NCS1: variants seen among roughly 807,000 people sequenced by gnomAD.
NCS1 encodes the protein neuronal calcium sensor 1.
Under a neutral mutation model 28.4 loss-of-function variants are expected in NCS1, and 6 were observed. The observed-to-expected ratio is 0.21, with a 90% confidence interval of 0.12 to 0.42. The LOEUF (loss-of-function observed/expected upper bound fraction) is 0.42, where lower values mean the gene tolerates loss of function less well. Ranked by LOEUF, NCS1 falls within the 10% of genes least tolerant of loss-of-function variation. NCS1 has a pLI of 1.00. For synonymous variants in NCS1, 86 were observed against 99.3 expected, an observed-to-expected ratio of 0.87 and a Z score of 0.79; for missense variants, 131 against 241.4, an observed-to-expected ratio of 0.54 and a Z score of 3.03.
At chr9:130,194,923 G>T (rs1420708504) in intron 1 of NCS1, among the ~76,000 whole-genome samples, 2 of 152,258 alleles carry the variant, frequency 1.3e-5, no homozygotes, top group Non-Finnish European at 1.5e-5. Context: ...GATGACAAAG[G>T]AGGAATCAGC....
In NCS1 at chr9:130,233,544, G is replaced by C. The variant is rs1833527423; in HGVS notation, c.*572G>C. ...GCAGCAAAACCACCTGCGTGGCTAGGATGATTAATTATGAGGATGATGATT... is the reference window on the plus strand; with the variant it reads ...GCAGCAAAACCACCTGCGTGGCTAGCATGATTAATTATGAGGATGATGATT... On this transcript the variant is annotated 3_prime_UTR_variant, in exon 8 of 8. Transcript: ENST00000372398. This position sits in a 1 kb window ranked among gnomAD's most constrained non-coding sequence, Gnocchi z 4.8. 2.0e-5 allele frequency: 3 copies of C among 152,562 alleles called. No homozygotes were observed. The highest frequency in any genetic ancestry group is 2.0e-4 in the Admixed American group (3 of 15,282). The allele number at this position is 152,562 out of a possible 1,614,324, so 9.5% of individuals were successfully genotyped here.
chr9:130,223,299 T>C (rs575540519), intron 6 of NCS1, 140 bp downstream of exon 6: 2 of 710,732 alleles, frequency 2.8e-6, no homozygotes, highest in East Asian at 2.7e-5. Context: ...GTCCTATCCC[T>C]GCTCAGCAGC....
At chr9:130,222,553 G>A (rs568578792) in intron 4 of NCS1, 97 bp from the exon 5 acceptor site, 29 of 968,372 alleles carry the variant, frequency 3.0e-5, no homozygotes, top group Middle Eastern at 2.3e-4. Context: ...CCATCCGGTC[G>A]CTGACTTCAT....
intron 1 of NCS1, chr9:130,200,360 C>A (rs754575108): frequency 6.9e-6 from 4 of 581,044 alleles, no homozygotes; most frequent in Non-Finnish European, 1.2e-5. Context: ...CAGGCTCAGC[C>A]GCTCTCTGTA....
At position 130,235,286 on chromosome 9, in the gene NCS1, G is replaced by A. The variant is rs1288853040; in HGVS notation, c.*2314G>A. On this transcript the variant is annotated 3_prime_UTR_variant, in exon 8 of 8. Coordinates refer to ENST00000372398, the MANE Select transcript of NCS1 (RefSeq NM_014286.4). ...ACCAACGGCTGAAGTTTCTCAGCTG[G>A]GCTCTGACCTGGGGTCTGGGGCAGG... 6.6e-6 allele frequency: 1 copy of A among 152,406 alleles called. No individual in the cohort carries two copies. The highest frequency in any genetic ancestry group is 1.5e-5 in the Non-Finnish European group (1 of 68,196). 9.4% of individuals were successfully genotyped at this position (152,406 alleles called of 1,614,324 possible). A position where few individuals can be genotyped will look rare whatever the true frequency, so the allele number is the denominator to read the frequency against.
At chr9:130,220,142 C>T (rs1307587416) in intron 4 of NCS1, among the ~76,000 whole-genome samples, 2 of 152,198 alleles carry the variant, frequency 1.3e-5, no homozygotes, top group African/African-American at 4.8e-5. Flanking sequence ...GGAGCCTTGG[C>T]TGCACTCGGG....
At position 130,203,457 on chromosome 9, in the gene NCS1, C is replaced by T. The variant is rs947406630; in HGVS notation, c.89+2475C>T. The stretch of plus-strand genomic sequence containing the variant: ...GAATGAGTGGACAGCAAGGAGTCTT[C>T]GGGGGACCATGAGAAAGCTCAGCAT... On this transcript the variant is annotated intron_variant, in intron 2 of 7. Transcript: ENST00000372398. 4.6e-5 allele frequency among the ~76,000 whole-genome samples: 7 copies of T among 152,248 alleles called. No homozygotes were observed. In the South Asian group the frequency reaches 1.0e-3, roughly 23 times the overall value.
chr9:130,221,804 T>TACAC (rs1833307311), intron 4 of NCS1, among the ~76,000 whole-genome samples: 4 of 127,158 alleles, frequency 3.1e-5, no homozygotes, highest in African/African-American at 1.2e-4. Flanking sequence ...TATAAATATA[T>TACAC]ATACATAAAT....
intron 1 of NCS1, among the ~76,000 whole-genome samples, chr9:130,182,104 C>T (rs1053713947): frequency 8.6e-5 from 13 of 151,982 alleles, no homozygotes; most frequent in Non-Finnish European, 1.5e-4. Flanking sequence ...AGTGGGCACT[C>T]GGGACCAGGA....
At chr9:130,189,713 G>A (rs529444407) in intron 1 of NCS1, among the ~76,000 whole-genome samples, 58 of 151,358 alleles carry the variant, frequency 3.8e-4, no homozygotes, top group Non-Finnish European at 6.3e-4. Context: ...GTGGTGGCGC[G>A]TGCCTATAAT....
At chr9:130,178,285 G>A (rs1832603418) in intron 1 of NCS1, among the ~76,000 whole-genome samples, 1 of 152,222 alleles carries the variant, frequency 6.6e-6, no homozygotes, top group Non-Finnish European at 1.5e-5. Flanking sequence ...GGCAGCTGGT[G>A]AATGGCAGGG....
chr9:130,222,876 ATC>A, intron 5 of NCS1, 138 bp downstream of exon 5: 1 of 970,722 alleles, frequency 1.0e-6, no homozygotes, highest in South Asian at 1.4e-5. Context: ...CGTTCTGTAC[ATC>A]TCTGCCTGGG....
intron 2 of NCS1, among the ~76,000 whole-genome samples, chr9:130,213,711 G>C (rs974084463): frequency 2.6e-5 from 4 of 152,050 alleles, no homozygotes; most frequent in Non-Finnish European, 5.9e-5. Flanking sequence ...TCAGCCTCCT[G>C]AGTAGCTGGG....
At chr9:130,183,701 T>C (rs1363657440) in intron 1 of NCS1, among the ~76,000 whole-genome samples, 1 of 151,492 alleles carries the variant, frequency 6.6e-6, no homozygotes, top group Non-Finnish European at 1.5e-5. Context: ...CTTTCTTTTT[T>C]TCTCTCTCTC....
chr9:130,236,537 C>T lies in NCS1; in HGVS notation c.*3565C>T, dbSNP rs1833597154. The T allele has an allele frequency of 8.2e-6, 1 of 122,658 alleles. No homozygotes were observed. Among genetic ancestry groups the T allele is most frequent in the African/African-American group, 3.1e-5 (1 of 31,878 alleles). The allele number at this position is 122,658 out of a possible 1,614,324, so 7.6% of individuals were successfully genotyped here. A position where few individuals can be genotyped will look rare whatever the true frequency, so the allele number is the denominator to read the frequency against. ...ACTTAAGGGCACTGTGATGGGAAGC[C>T]TTGCCCCCCTCTTTTTTTTTTTTTT... is the stretch of plus-strand genomic sequence containing the variant. On this transcript the variant is annotated 3_prime_UTR_variant, in exon 8 of 8. Transcript: ENST00000372398.
At chr9:130,176,086 G>T (rs1832560149) in intron 1 of NCS1, among the ~76,000 whole-genome samples, 1 of 151,920 alleles carries the variant, frequency 6.6e-6, no homozygotes, top group African/African-American at 2.4e-5. Flanking sequence ...TATGTGGCGT[G>T]GGGTATGTGG....
chr9:130,187,728 G>A (rs1202457278), intron 1 of NCS1, among the ~76,000 whole-genome samples: 1 of 152,160 alleles, frequency 6.6e-6, no homozygotes, highest in Admixed American at 6.5e-5. Context: ...GGAGGGCCTC[G>A]CACCTTCCCT....
chr9:130,185,241 T>C (rs4424362), intron 1 of NCS1, among the ~76,000 whole-genome samples: 93,802 of 152,214 alleles, frequency 0.62, 30,535 homozygotes, highest in East Asian at 0.84. Flanking sequence ...CTGCATCTTA[T>C]TGCATGACTG....
rs575358152 is a variant in NCS1 at position 130,222,876 on chromosome 9, A to T, written c.396+138A>T. On this transcript the variant is annotated intron_variant, in intron 5 of 7. Coordinates refer to ENST00000372398, the MANE Select transcript of NCS1 (RefSeq NM_014286.4). ...GGTCACTGGCTGAGCCGTTCTGTAC[A>T]TCTCTGCCTGGGCAGGCAGGCACAA... 21 of 970,722 alleles carry T rather than the reference A, an allele frequency of 2.2e-5. No individual in the cohort carries two copies. The East Asian group carries it at 5.5e-4, about 25-fold the overall frequency. The allele number at this position is 970,722 out of a possible 1,614,324, so 60.1% of individuals were successfully genotyped here. A position where few individuals can be genotyped will look rare whatever the true frequency, so the allele number is the denominator to read the frequency against.
Sources: allele counts gnomAD v4.1 joint callset (sites outside exome capture counted in the v4.1 genomes callset), GRCh38; gene constraint gnomAD v4.1.1; non-coding constraint Gnocchi (gnomAD v3.1); transcripts MANE v1.5; gene names NCBI Gene and HGNC (gene_info 2026-07-23, HGNC 2026-07-21).